The following KCTD19 variants were observed in gnomAD, a reference collection of about 807,000 sequenced individuals.
KCTD19 encodes the protein potassium channel tetramerization domain containing 19, also known as BTB/POZ domain-containing protein KCTD19.
Under a neutral mutation model 103.5 loss-of-function variants are expected in KCTD19, and 67 were observed. The ratio of observed to expected loss-of-function variants is 0.65; its 90% confidence interval spans 0.53 to 0.79. The LOEUF (loss-of-function observed/expected upper bound fraction) is 0.79. Ranked by LOEUF, KCTD19 falls within the 30% of genes least tolerant of loss-of-function variation. KCTD19 has a pLI of 0.00. For missense variants in KCTD19, 980 were observed against 1,136.1 expected, an observed-to-expected ratio of 0.86 and a Z score of 1.98; for synonymous variants, 439 against 452.2, an observed-to-expected ratio of 0.97 and a Z score of 0.37.
At position 67,320,958 on chromosome 16, in the gene KCTD19, A is replaced by G. The variant is rs977689467; in HGVS notation, c.4-73T>C. On this transcript the variant is annotated intron_variant, in intron 1 of 15. Coordinates refer to ENST00000304372, the MANE Select transcript of KCTD19 (RefSeq NM_001100915.3). The surrounding 1 kb of genome is among the most constrained non-coding windows in gnomAD (Gnocchi z 4.0). ...AGGCATCCAGATTGAAAAGGTAGAA[A>G]TAAACTATCTCTGTTTGCTGATGAC... The G allele has an allele frequency of 7.8e-7, 1 of 1,275,726 alleles. No individual in the cohort carries two copies. The highest frequency in any genetic ancestry group is 1.1e-6 in the Non-Finnish European group (1 of 923,328). The allele number at this position is 1,275,726 out of a possible 1,614,324, so 79.0% of individuals were successfully genotyped here.
At chr16:67,294,492 A>C (rs1799226809) in intron 11 of KCTD19, 88 bp downstream of exon 11, 17 of 901,044 alleles carry the variant, frequency 1.9e-5, no homozygotes, top group Non-Finnish European at 3.1e-5. Flanking sequence ...TGCTGCACCC[A>C]CCAGTAGCTG....
chr16:67,294,781 G>T, intron 10 of KCTD19, 87 bp from the exon 11 acceptor site: 1 of 1,067,328 alleles, frequency 9.4e-7, no homozygotes, highest in Non-Finnish European at 1.5e-6. Context: ...TTGGCTGGGA[G>T]TTAATGCTAG....
Position 67,320,476 on chromosome 16 carries a change from C to T in KCTD19, c.300+113G>A, listed in dbSNP as rs2037059817. The stretch of plus-strand genomic sequence containing the variant: ...ATTTATTACTTTAACACACTTATTA[C>T]ATTTGCCCATTAAGAGGGTCATCTC... On this transcript the variant is annotated intron_variant, in intron 2 of 15. Coordinates refer to ENST00000304372, the MANE Select transcript of KCTD19 (RefSeq NM_001100915.3). This position sits in a 1 kb window ranked among gnomAD's most constrained non-coding sequence, Gnocchi z 4.0. 4.1e-6 allele frequency: 4 copies of T among 973,158 alleles called. No individual in the cohort carries two copies. Among genetic ancestry groups the T allele is most frequent in the Admixed American group, 2.3e-5 (1 of 44,372 alleles). The allele number at this position is 973,158 out of a possible 1,614,324, so 60.3% of individuals were successfully genotyped here. A position where few individuals can be genotyped will look rare whatever the true frequency, so the allele number is the denominator to read the frequency against.
chr16:67,299,672 A>G, intron 5 of KCTD19, 99 bp from the exon 6 acceptor site: 1 of 922,410 alleles, frequency 1.1e-6, no homozygotes, highest in Non-Finnish European at 1.7e-6. Context: ...CATTGTACCG[A>G]GGAGGCTCAG....
At chr16:67,315,396 C>A (rs1001420458) in intron 2 of KCTD19, among the ~76,000 whole-genome samples, 6 of 150,810 alleles carry the variant, frequency 4.0e-5, no homozygotes, top group African/African-American at 1.5e-4. Context: ...ACCTCCACAT[C>A]CTGGATTCAA....
intron 2 of KCTD19, among the ~76,000 whole-genome samples, chr16:67,309,018 C>T (rs2036922623): frequency 6.6e-6 from 1 of 151,298 alleles, no homozygotes; most frequent in African/African-American, 2.4e-5. Flanking sequence ...CCTGTAGTCC[C>T]AGCTACTCTG....
At chr16:67,324,403 G>A (rs901633872) in intron 1 of KCTD19, among the ~76,000 whole-genome samples, 5 of 152,160 alleles carry the variant, frequency 3.3e-5, no homozygotes. Flanking sequence ...TGAAGTGATT[G>A]GACTGCAATG....
chr16:67,301,558 A>G (rs2036834160), intron 5 of KCTD19, among the ~76,000 whole-genome samples: 1 of 151,884 alleles, frequency 6.6e-6, no homozygotes, highest in Non-Finnish European at 1.5e-5. Context: ...TGGGCTTTCT[A>G]CACCCCTGGC....
At chr16:67,295,650 T>C in intron 8 of KCTD19, 1 of 404,884 alleles carries the variant, frequency 2.5e-6, no homozygotes. Flanking sequence ...AAGCCCACCG[T>C]ACCTCCTTCT....
intron 1 of KCTD19, among the ~76,000 whole-genome samples, chr16:67,324,133 T>G (rs188596151): frequency 6.6e-6 from 1 of 152,270 alleles, no homozygotes; most frequent in East Asian, 1.9e-4. Flanking sequence ...GTACATCTGT[T>G]GGACAAGAGG....
At chr16:67,306,496 C>T (rs1454800734) in intron 2 of KCTD19, among the ~76,000 whole-genome samples, 3 of 152,102 alleles carry the variant, frequency 2.0e-5, no homozygotes, top group Non-Finnish European at 4.4e-5. Flanking sequence ...AAACTCCTGG[C>T]CTCAAATGAT....
chr16:67,307,315 AT>A (rs149670849), intron 2 of KCTD19, among the ~76,000 whole-genome samples: 8,120 of 138,676 alleles, frequency 0.059, 552 homozygotes, highest in African/African-American at 0.17. Flanking sequence ...CACCCTGCTA[AT>A]TTTTTTTTTT....
chr16:67,293,655 C>T lies in KCTD19; in HGVS notation c.2107G>A (p.Ala703Thr). 1 of 1,614,064 alleles carries T rather than the reference C, an allele frequency of 6.2e-7. No individual in the cohort carries two copies. Among genetic ancestry groups the T allele is most frequent in the Non-Finnish European group, 8.5e-7 (1 of 1,180,022 alleles). ...CCCTTGTCTTTCGCTCCAGCTCCAG[C>T]CCCTGCCTGTGGTCCTGGATCCTTC... is the stretch of plus-strand genomic sequence containing the variant. ...SEKDPGPQAGAGAGAKDKGPE... is the reference protein window; with the variant it reads ...SEKDPGPQAGTGAGAKDKGPE... The change falls in exon 12 of 16, where the codon GCT becomes ACT. Residue 703 changes from alanine to threonine, a missense_variant. By Grantham distance (58) the Ala-to-Thr change is moderately conservative (BLOSUM62 0). Coordinates refer to ENST00000304372, the MANE Select transcript of KCTD19 (RefSeq NM_001100915.3). The surrounding 1 kb of genome is among the most constrained non-coding windows in gnomAD (Gnocchi z 4.0).
intron 7 of KCTD19, among the ~76,000 whole-genome samples, chr16:67,296,965 G>A (rs985819513): frequency 1.1e-4 from 17 of 152,272 alleles, no homozygotes; most frequent in African/African-American, 3.4e-4. Flanking sequence ...GTATATGACC[G>A]GTACTCAATA....
In KCTD19 at chr16:67,300,774, T is replaced by G. The variant is rs2036824764; in HGVS notation, c.775+1017A>C. 1.3e-5 allele frequency: 2 copies of G among 152,438 alleles called. 1 individual carries two copies. Among genetic ancestry groups the G allele is most frequent in the South Asian group, 4.1e-4 (2 of 4,822 alleles). The allele number at this position is 152,438 out of a possible 1,614,324, so 9.4% of individuals were successfully genotyped here. On this transcript the variant is annotated intron_variant, in intron 5 of 15. Transcript: ENST00000304372. The surrounding 1 kb of genome is among the most constrained non-coding windows in gnomAD (Gnocchi z 4.5). ...GATTCTCCTGCCTCAGCTTCCCAAG[T>G]AGTGGGATTACAGGTGCGTGCCACC... is the stretch of plus-strand genomic sequence containing the variant.
At position 67,291,003 on chromosome 16, in the gene KCTD19, C is replaced by A. The variant is rs575060729; in HGVS notation, c.2566-17G>T. The A allele has an allele frequency of 2.8e-4, 450 of 1,612,394 alleles. 2 individuals carry two copies. The African/African-American group carries it at 3.4e-3, about 12-fold the overall frequency. On this transcript the variant is annotated splice_polypyrimidine_tract_variant and intron_variant, in intron 14 of 15. Coordinates refer to ENST00000304372, the MANE Select transcript of KCTD19 (RefSeq NM_001100915.3). ...GTGCAGGGTCTGCCAGGAGAGCCCA[C>A]AGTCAGGCAGTGCTAGGGCAGCTCC...
chr16:67,311,066 T>C (rs1024302818), intron 2 of KCTD19, among the ~76,000 whole-genome samples: 9 of 152,214 alleles, frequency 5.9e-5, no homozygotes, highest in African/African-American at 1.9e-4. Flanking sequence ...TCAGCAGATA[T>C]GTTGTTAAGC....
chr16:67,291,395 G>C lies in KCTD19; in HGVS notation c.2479C>G (p.Leu827Val). 6.2e-7 allele frequency: 1 copy of C among 1,614,200 alleles called. No individual in the cohort carries two copies. The highest frequency in any genetic ancestry group is 8.5e-7 in the Non-Finnish European group (1 of 1,180,016). Residue 827 changes from leucine to valine, a missense_variant, in exon 14 of 16, where the codon CTG (leucine) becomes GTG (valine). Transcript: ENST00000304372. ...ATGGAATCCATGATGATGTCAGCCA[G>C]GAAGCAGTGACATTTCTGTGCATAA... The part of the protein sequence containing the change: ...MFYAQKCHCF[L>V]ADIIMDSIRQ...
At chr16:67,304,958 G>A (rs142677411) in intron 2 of KCTD19, among the ~76,000 whole-genome samples, 33 of 152,228 alleles carry the variant, frequency 2.2e-4, no homozygotes, top group African/African-American at 7.0e-4. Flanking sequence ...ATGAACCACC[G>A]CGCCCAGCGA....
Sources: allele counts gnomAD v4.1 joint callset (sites outside exome capture counted in the v4.1 genomes callset), GRCh38; gene constraint gnomAD v4.1.1; non-coding constraint Gnocchi (gnomAD v3.1); transcripts MANE v1.5; gene names NCBI Gene and HGNC (gene_info 2026-07-23, HGNC 2026-07-21).